YTHDC2: variants seen among roughly 807,000 people sequenced by gnomAD.
The protein encoded by YTHDC2 is YTH N6-methyladenosine RNA binding protein C2, also known as 3'-5' RNA helicase YTHDC2.
In YTHDC2, 45 loss-of-function variants were observed where a neutral mutation model predicts 174.9. The ratio of observed to expected loss-of-function variants is 0.26; its 90% CI spans 0.20 to 0.33. The LOEUF (loss-of-function observed/expected upper bound fraction) is 0.33, where lower values mean the gene tolerates loss of function less well. Ranked by LOEUF, YTHDC2 falls within the 10% of genes least tolerant of loss-of-function variation. The pLI, the probability that YTHDC2 is intolerant of heterozygous loss-of-function variation, is 1.00. For synonymous variants in YTHDC2, 657 were observed against 574.5 expected (o/e 1.14, Z -2.05); for missense variants, 1,650 against 1,723.7 (o/e 0.96, Z 0.76).
intron 26 of YTHDC2, among the ~76,000 whole-genome samples, chr5:113,588,058 A>G (rs534374914): frequency 2.0e-5 from 3 of 152,218 alleles, no homozygotes; most frequent in Non-Finnish European, 2.9e-5. Context: ...TTGTTAGTAT[A>G]TACAAATACA....
intron 3 of YTHDC2, among the ~76,000 whole-genome samples, chr5:113,526,145 G>A (rs143536671): frequency 4.0e-5 from 6 of 151,874 alleles, no homozygotes; most frequent in South Asian, 2.1e-4. Flanking sequence ...CGTAATGTAC[G>A]TGACAGATCT....
intron 26 of YTHDC2, among the ~76,000 whole-genome samples, chr5:113,590,348 G>A (rs1296410724): frequency 6.6e-6 from 1 of 152,156 alleles, no homozygotes; most frequent in Non-Finnish European, 1.5e-5. Flanking sequence ...CCCTTCTGTG[G>A]GCCAGTACCA....
At chr5:113,533,621 A>G (rs984557714) in intron 5 of YTHDC2, among the ~76,000 whole-genome samples, 2 of 152,118 alleles carry the variant, frequency 1.3e-5, no homozygotes, top group African/African-American at 2.4e-5. Context: ...CAGTGTTCTT[A>G]TCTATAAAAT....
At chr5:113,569,490 G>A (rs529667226) in intron 23 of YTHDC2, among the ~76,000 whole-genome samples, 1 of 152,278 alleles carries the variant, frequency 6.6e-6, no homozygotes, top group Non-Finnish European at 1.5e-5. Flanking sequence ...TTACATTTAA[G>A]TCTTTAATCC....
In YTHDC2 at chr5:113,586,710, G is replaced by C. The variant is rs60202385; in HGVS notation, c.3825+2231G>C. 2.0e-5 allele frequency among the ~76,000 whole-genome samples: 3 copies of C among 150,720 alleles called. No individual in the cohort carries two copies. In the East Asian group the frequency reaches 5.8e-4, roughly 29 times the overall value. Reference sequence around the variant, plus strand: ...AGTATGGGTGAGTCAAGAATTACTCGTTGGCTTTTGCTTATACAATTGTTC... The same window carrying C: ...AGTATGGGTGAGTCAAGAATTACTCCTTGGCTTTTGCTTATACAATTGTTC... On this transcript the variant is annotated intron_variant, in intron 26 of 29. Transcript: ENST00000161863.
chr5:113,524,014 C>T (rs997791133), intron 2 of YTHDC2, among the ~76,000 whole-genome samples: 10 of 152,176 alleles, frequency 6.6e-5, no homozygotes, highest in Non-Finnish European at 1.2e-4. Context: ...AGAGTCTACT[C>T]TGCAACAGAT....
intron 26 of YTHDC2, among the ~76,000 whole-genome samples, chr5:113,585,008 T>G (rs1408715604): frequency 6.6e-6 from 1 of 152,034 alleles, no homozygotes; most frequent in East Asian, 1.9e-4. Context: ...CTCAAACTCC[T>G]GGGCTCAAGT....
At chr5:113,557,009 G>A (rs1561669399) in intron 17 of YTHDC2, among the ~76,000 whole-genome samples, 1 of 152,158 alleles carries the variant, frequency 6.6e-6, no homozygotes, top group East Asian at 1.9e-4. Context: ...AGGATGCATT[G>A]TTAATTGAAA....
chr5:113,541,142 A>T (rs1479570218), intron 9 of YTHDC2, 26 bp downstream of exon 9: 10 of 1,613,002 alleles, frequency 6.2e-6, no homozygotes, highest in Non-Finnish European at 7.6e-6. Flanking sequence ...TTTCCCACTC[A>T]TATTTTGTGT....
At chr5:113,560,046 G>C (rs965033355) in intron 17 of YTHDC2, among the ~76,000 whole-genome samples, 2 of 152,220 alleles carry the variant, frequency 1.3e-5, no homozygotes, top group African/African-American at 2.4e-5. Context: ...CCATAGGAAA[G>C]CTTCACTAGA....
intron 27 of YTHDC2, 21 bp from the exon 28 acceptor site, chr5:113,591,974 CT>C: frequency 6.4e-7 from 1 of 1,573,076 alleles, no homozygotes; most frequent in Admixed American, 1.8e-5. Context: ...ACCTCTATTC[CT>C]TCCTCCCATT....
At chr5:113,553,896 AT>A (rs1402514691) in intron 15 of YTHDC2, 42 bp downstream of exon 15, 1 of 1,583,574 alleles carries the variant, frequency 6.3e-7, no homozygotes, top group Non-Finnish European at 8.5e-7. Context: ...TTCATTAGTT[AT>A]TTTTTCTGTT....
intron 20 of YTHDC2, among the ~76,000 whole-genome samples, chr5:113,565,335 G>C (rs146675884): frequency 9.1e-4 from 138 of 152,240 alleles, no homozygotes; most frequent in African/African-American, 3.1e-3. Context: ...ATTTCTATCT[G>C]TTCTTTGCTT....
chr5:113,535,355 T>G (rs1032255220), intron 6 of YTHDC2, among the ~76,000 whole-genome samples: 1 of 152,192 alleles, frequency 6.6e-6, no homozygotes, highest in African/African-American at 2.4e-5. Flanking sequence ...TATGCCATTT[T>G]TTTTTTTAAT....
At chr5:113,586,873 C>CTATA (rs1191086634) in intron 26 of YTHDC2, among the ~76,000 whole-genome samples, 18 of 127,414 alleles carry the variant, frequency 1.4e-4, no homozygotes, top group African/African-American at 5.1e-4. Flanking sequence ...CTCTCTCTCT[C>CTATA]TATATATATA....
intron 10 of YTHDC2, among the ~76,000 whole-genome samples, chr5:113,548,331 CTT>C (rs1338518681): frequency 6.6e-6 from 1 of 152,066 alleles, no homozygotes; most frequent in Non-Finnish European, 1.5e-5. Context: ...AACCAACAGT[CTT>C]TATTCAATTT....
intron 23 of YTHDC2, among the ~76,000 whole-genome samples, chr5:113,579,014 T>C (rs1778234741): frequency 6.6e-6 from 1 of 152,102 alleles, no homozygotes; most frequent in South Asian, 2.1e-4. Flanking sequence ...GATAGATTTT[T>C]GCTTTCTTCT....
chr5:113,586,679 G>A (rs1025725980), intron 26 of YTHDC2, among the ~76,000 whole-genome samples: 4 of 150,862 alleles, frequency 2.7e-5, no homozygotes, highest in East Asian at 1.9e-4. Context: ...GTTAATTTTC[G>A]TTTATAGTAT....
intron 26 of YTHDC2, among the ~76,000 whole-genome samples, chr5:113,587,753 A>G (rs565367235): frequency 2.6e-5 from 4 of 151,000 alleles, no homozygotes; most frequent in Non-Finnish European, 5.9e-5. Flanking sequence ...GGTCCTTTGT[A>G]CTTTCATATA....
Sources: gnomAD v4.1 joint callset for allele counts (sites outside exome capture counted in the v4.1 genomes callset) on GRCh38, gnomAD v4.1.1 for gene constraint, MANE v1.5 for transcripts, NCBI Gene and HGNC (gene_info 2026-07-23, HGNC 2026-07-21) for gene names.